Variants in ERG observed in about 807,000 individuals in gnomAD.
ERG encodes ETS transcription factor ERG.
A neutral mutation model predicts 55.3 loss-of-function variants in ERG; 9 were observed. The ratio of observed to expected loss-of-function variants is 0.16; its 90% confidence interval spans 0.10 to 0.28. The LOEUF is 0.28. Ranked by LOEUF, ERG falls within the 10% of genes least tolerant of loss-of-function variation. The probability of loss-of-function intolerance (pLI) is 1.00; values close to 1 mark genes in which losing one functional copy is unlikely to be tolerated. For synonymous variants in ERG, 223 were observed against 237.3 expected (o/e 0.94, Z 0.55); for missense variants, 434 against 631.6 (o/e 0.69, Z 3.35).
chr21:38,583,208 C>A lies in ERG; in HGVS notation c.-127+1636G>T, dbSNP rs149877143. 3.4e-3 allele frequency among the ~76,000 whole-genome samples: 523 copies of A among 152,348 alleles called. 8 individuals carry two copies. Among genetic ancestry groups the A allele is most frequent in the African/African-American group, 0.011 (475 of 41,576 alleles). ...AGCAAACCCTGCCATAAGAACTGCACAGGCCTGATTCCTGCCAAGCACACC... is the reference window on the plus strand; with the variant it reads ...AGCAAACCCTGCCATAAGAACTGCAAAGGCCTGATTCCTGCCAAGCACACC... On this transcript the variant is annotated intron_variant, in intron 1 of 8. Transcript: ENST00000398897.
At chr21:38,598,358 G>A (rs746771309) in intron 1 of ERG, among the ~76,000 whole-genome samples, 55 of 152,180 alleles carry the variant, frequency 3.6e-4, no homozygotes, top group Non-Finnish European at 7.2e-4. Context: ...GCATGGAAGC[G>A]CAGGCAGCAG....
At chr21:38,597,802 G>C (rs2060141393) in intron 1 of ERG, among the ~76,000 whole-genome samples, 1 of 152,136 alleles carries the variant, frequency 6.6e-6, no homozygotes, top group Non-Finnish European at 1.5e-5. Flanking sequence ...AATGTGCACA[G>C]AGTAAATTAC....
chr21:38,493,121 T>A (rs2059350332), intron 1 of ERG, among the ~76,000 whole-genome samples: 1 of 152,208 alleles, frequency 6.6e-6, no homozygotes, highest in Non-Finnish European at 1.5e-5. Flanking sequence ...ACTTAAAAAA[T>A]ATATATACCC....
downstream of ERG, among the ~76,000 whole-genome samples, chr21:38,377,300 C>T (rs1174241500): frequency 6.6e-6 from 1 of 152,162 alleles, no homozygotes; most frequent in East Asian, 1.9e-4. Flanking sequence ...CCTCTTTGGA[C>T]CTGAAAGCTT....
At chr21:38,393,034 T>C (rs1042288197) in intron 6 of ERG, among the ~76,000 whole-genome samples, 2 of 152,230 alleles carry the variant, frequency 1.3e-5, no homozygotes, top group African/African-American at 4.8e-5. Flanking sequence ...GTGATTTTCA[T>C]AGGCAAATGT....
chr21:38,654,770 C>G (rs2060508856), intron 1 of ERG, among the ~76,000 whole-genome samples: 1 of 152,154 alleles, frequency 6.6e-6, no homozygotes. Flanking sequence ...TTTGCTTATT[C>G]TGTCCTCTTG....
chr21:38,580,250 GC>G (rs1254440587), intron 1 of ERG, among the ~76,000 whole-genome samples: 1 of 152,186 alleles, frequency 6.6e-6, no homozygotes, highest in South Asian at 2.1e-4. Flanking sequence ...ACCACACCTG[GC>G]CCTCTCTGAC....
chr21:38,601,096 G>A (rs187552086), intron 1 of ERG, among the ~76,000 whole-genome samples: 2 of 152,300 alleles, frequency 1.3e-5, no homozygotes, highest in East Asian at 3.9e-4. Flanking sequence ...TTATTGCCGG[G>A]ACTGACAGAT....
At chr21:38,456,790 CT>C (rs1331898353) in intron 1 of ERG, among the ~76,000 whole-genome samples, 1 of 152,166 alleles carries the variant, frequency 6.6e-6, no homozygotes, top group Admixed American at 6.6e-5. Flanking sequence ...TAAGCCTGTG[CT>C]TTTCAGAAGA....
intron 1 of ERG, among the ~76,000 whole-genome samples, chr21:38,473,334 T>C (rs976656167): frequency 6.6e-6 from 1 of 152,048 alleles, no homozygotes; most frequent in Non-Finnish European, 1.5e-5. Context: ...GTGAATTCTT[T>C]CCTTTATCTT....
rs3787891 is a variant in ERG, at chr21:38,408,691, G to A, written c.389-4982C>T. Among the ~76,000 whole-genome samples the A allele has an allele frequency of 5.9e-5, 9 of 152,236 alleles. No individual in the cohort carries two copies. The East Asian group carries it at 1.7e-3, about 29-fold the overall frequency. Reference sequence around the variant, plus strand: ...CTCTCTAGTCTCCTCCACACTCCATGGTATCTCAGCAAAGCTTTATGGCTT... The same window carrying A: ...CTCTCTAGTCTCCTCCACACTCCATAGTATCTCAGCAAAGCTTTATGGCTT... On this transcript the variant is annotated intron_variant, in intron 3 of 9. Transcript: ENST00000288319.
At chr21:38,400,779 C>T (rs894930024) in intron 5 of ERG, 134 bp from the exon 6 acceptor site, 5 of 629,632 alleles carry the variant, frequency 7.9e-6, no homozygotes, top group African/African-American at 3.7e-5. Context: ...AACAGAGCTC[C>T]GGAGAAACAG....
rs1987374294 is a variant in ERG, at chr21:38,380,485, A to C, written c.*2918T>G. ...GAAAGCCAATTGAAGACAAGAAAAG[A>C]AGACAAATCTCTTGCCAGCAGGAGT... On this transcript the variant is annotated 3_prime_UTR_variant, in exon 10 of 10. Coordinates refer to ENST00000288319, the MANE Select transcript of ERG (RefSeq NM_182918.4). The C allele has an allele frequency of 3.8e-6, 4 of 1,065,236 alleles. No individual in the cohort carries two copies. The South Asian group carries it at 1.8e-4, about 48-fold the overall frequency. The allele number at this position is 1,065,236 out of a possible 1,614,324, so 66.0% of individuals were successfully genotyped here.
intron 1 of ERG, among the ~76,000 whole-genome samples, chr21:38,655,651 CT>C (rs1277365490): frequency 6.6e-6 from 1 of 152,184 alleles, no homozygotes; most frequent in African/African-American, 2.4e-5. Context: ...GCCAAATTCC[CT>C]TCAGGCTTAT....
chr21:38,385,191 A>T (rs564968311), intron 9 of ERG, among the ~76,000 whole-genome samples: 7 of 152,348 alleles, frequency 4.6e-5, no homozygotes, highest in African/African-American at 1.7e-4. Context: ...ATGGCTCCCT[A>T]GAAGACAGCA....
At chr21:38,623,156 CCACA>C (rs61386251) in intron 1 of ERG, among the ~76,000 whole-genome samples, 4 of 149,582 alleles carry the variant, frequency 2.7e-5, no homozygotes, top group African/African-American at 9.9e-5. Context: ...CATATACATG[CCACA>C]CACACACACA....
rs1987433600 is a variant in ERG, at chr21:38,381,467, C to T, written c.*1936G>A. 1.9e-6 allele frequency: 2 copies of T among 1,063,240 alleles called. No individual in the cohort carries two copies. The highest frequency in any genetic ancestry group is 1.0e-4 in the East Asian group (2 of 19,842). The allele number at this position is 1,063,240 out of a possible 1,614,324, so 65.9% of individuals were successfully genotyped here. On this transcript the variant is annotated 3_prime_UTR_variant, in exon 10 of 10. Transcript: ENST00000288319. ...CTCAGGGCTAGTGAATCCCAAGCCA[C>T]AGTGCCCAGGTAACTCTGATGTAGC... is the stretch of plus-strand genomic sequence containing the variant.
At chr21:38,635,549 T>G (rs1263125669) in intron 1 of ERG, among the ~76,000 whole-genome samples, 2 of 152,216 alleles carry the variant, frequency 1.3e-5, no homozygotes. Context: ...CAGGCATGAT[T>G]CCTTTAAGGA....
Position 38,423,508 on chromosome 21 carries a change from G to A in ERG, c.290C>T (p.Pro97Leu), listed in dbSNP as rs1989648312. The A allele has an allele frequency of 6.2e-7, 1 of 1,614,126 alleles. No individual in the cohort carries two copies. The highest frequency in any genetic ancestry group is 8.5e-7 in the Non-Finnish European group (1 of 1,179,990). ...GCCGTAGTTCATCCCAACGGTGTCT[G>A]GGCTGCCCACCATCTTCCCGCCTTT... ...VAKGGKMVGS[P>L]DTVGMNYGSY... The change falls in exon 3 of 10, where the codon CCA becomes CTA. Residue 97 changes from proline to leucine, a missense_variant. By Grantham distance (98) the Pro-to-Leu change is moderately conservative. Around this residue, in one of 5 missense-constraint regions of ERG, gnomAD observed 212 missense variants for 262.9 expected, o/e 0.81. Transcript: ENST00000288319.
Sources: allele counts gnomAD v4.1 joint callset (sites outside exome capture counted in the v4.1 genomes callset), GRCh38; gene constraint gnomAD v4.1.1; regional missense constraint gnomAD v4.1.1; transcripts MANE v1.5; gene names NCBI Gene and HGNC (gene_info 2026-07-23, HGNC 2026-07-21).